Variants in CDK14 observed in about 807,000 individuals in gnomAD.
CDK14 encodes cyclin-dependent kinase 14.
Under a neutral mutation model 60.7 loss-of-function variants are expected in CDK14, and 34 were observed. The observed-to-expected ratio is 0.56, with a 90% CI of 0.43 to 0.75. The LOEUF is 0.75. Among genes scored for constraint, CDK14 ranks in the 30% least tolerant of loss-of-function variants. The probability of loss-of-function intolerance (pLI) is 0.00; values close to 1 mark genes in which losing one functional copy is unlikely to be tolerated. For synonymous variants in CDK14, 197 were observed against 203.7 expected (o/e 0.97, Z 0.28); for missense variants, 482 against 564.1 (o/e 0.85, Z 1.47).
chr7:91,100,143 A>G (rs1799110280), intron 12 of CDK14, among the ~76,000 whole-genome samples: 1 of 152,174 alleles, frequency 6.6e-6, no homozygotes, highest in Admixed American at 6.6e-5. Context: ...AATGACTGAC[A>G]GGTTTGTACT....
At chr7:90,997,545 A>T (rs764801447) in intron 10 of CDK14, among the ~76,000 whole-genome samples, 14 of 152,308 alleles carry the variant, frequency 9.2e-5, no homozygotes, top group Non-Finnish European at 1.6e-4. Flanking sequence ...ATGGCAGATA[A>T]CATTTAACAT....
At chr7:91,132,917 CAT>C (rs551664500) in intron 14 of CDK14, among the ~76,000 whole-genome samples, 248 of 152,224 alleles carry the variant, frequency 1.6e-3, no homozygotes, top group African/African-American at 5.7e-3. Flanking sequence ...CATATTACAA[CAT>C]GTTTCTTAAA....
At chr7:90,649,553 T>A (rs1780475218) in intron 2 of CDK14, among the ~76,000 whole-genome samples, 1 of 151,050 alleles carries the variant, frequency 6.6e-6, no homozygotes, top group South Asian at 2.1e-4. Context: ...GTTGGTTTGC[T>A]GCATCCATTA....
chr7:90,885,275 G>A (rs1183174975), intron 6 of CDK14, among the ~76,000 whole-genome samples: 1 of 151,974 alleles, frequency 6.6e-6, no homozygotes, highest in East Asian at 1.9e-4. Context: ...GTGGGCAAAG[G>A]ATATGAACAC....
At chr7:90,802,450 G>C (rs1336215821) in intron 5 of CDK14, among the ~76,000 whole-genome samples, 2 of 152,164 alleles carry the variant, frequency 1.3e-5, no homozygotes, top group Non-Finnish European at 2.9e-5. Flanking sequence ...AGATTACCTT[G>C]TCCAGGGGTT....
intron 2 of CDK14, among the ~76,000 whole-genome samples, chr7:90,701,359 G>A (rs1020755733): frequency 2.0e-5 from 3 of 152,152 alleles, no homozygotes; most frequent in African/African-American, 7.2e-5. Flanking sequence ...CTTCCTGCAA[G>A]TTCAGATAAC....
At chr7:90,747,250 A>G (rs1039470726) in intron 3 of CDK14, among the ~76,000 whole-genome samples, 3 of 152,214 alleles carry the variant, frequency 2.0e-5, no homozygotes, top group African/African-American at 7.2e-5. Context: ...GGTGGGCTGG[A>G]TTTGACCCAT....
rs753093292 is a variant in CDK14, at chr7:90,877,818, T to TA, written c.639+14556dup. On this transcript the variant is annotated intron_variant, in intron 6 of 14. Transcript: ENST00000380050. ...AGAAAAAGAAAGGACCAGGGATCTTTAAAAAAATCAGATTTTGGCTAACTA... is the reference window on the plus strand; with the variant it reads ...AGAAAAAGAAAGGACCAGGGATCTTTAAAAAAAATCAGATTTTGGCTAACTA... Among the ~76,000 whole-genome samples the TA allele has an allele frequency of 5.9e-5, 9 of 152,176 alleles. No homozygotes were observed. In the South Asian group the frequency reaches 1.2e-3, roughly 21 times the overall value.
At chr7:90,857,024 T>A (rs1173063268) in intron 5 of CDK14, among the ~76,000 whole-genome samples, 1 of 152,122 alleles carries the variant, frequency 6.6e-6, no homozygotes, top group East Asian at 1.9e-4. Context: ...GTCTTTGTAA[T>A]CTCTTTTTTC....
chr7:90,989,960 T>C (rs1795483441), intron 10 of CDK14, among the ~76,000 whole-genome samples: 1 of 151,980 alleles, frequency 6.6e-6, no homozygotes, highest in Non-Finnish European at 1.5e-5. Flanking sequence ...GAAGTGAAAA[T>C]AAGAGGGAAA....
At chr7:91,143,854 T>C (rs1800541718) in intron 14 of CDK14, among the ~76,000 whole-genome samples, 1 of 152,178 alleles carries the variant, frequency 6.6e-6, no homozygotes, top group Non-Finnish European at 1.5e-5. Context: ...CTTATCCCCG[T>C]TTTGCAGAGG....
intron 5 of CDK14, among the ~76,000 whole-genome samples, chr7:90,794,999 T>G (rs1473427280): frequency 6.6e-6 from 1 of 152,238 alleles, no homozygotes; most frequent in Non-Finnish European, 1.5e-5. Flanking sequence ...GGTCCCTGGC[T>G]TCCTGCAACA....
chr7:90,962,251 C>T (rs1200724405), intron 9 of CDK14, among the ~76,000 whole-genome samples: 1 of 152,002 alleles, frequency 6.6e-6, no homozygotes, highest in African/African-American at 2.4e-5. Flanking sequence ...CTTTGGGAGG[C>T]CAAGGCGGGT....
At chr7:90,983,848 ACACTAGAGACTAC>A (rs939132221) in intron 9 of CDK14, among the ~76,000 whole-genome samples, 3 of 152,144 alleles carry the variant, frequency 2.0e-5, no homozygotes, top group African/African-American at 7.2e-5. Context: ...GCAACAATAG[ACACTAGAGACTAC>A]TAGAAGGAGG....
At chr7:91,147,162 T>TCTCTCA (rs1438870514) in intron 14 of CDK14, among the ~76,000 whole-genome samples, 11 of 124,694 alleles carry the variant, frequency 8.8e-5, no homozygotes, top group African/African-American at 2.7e-4. Context: ...TCTCTCTCTC[T>TCTCTCA]CACACACACA....
chr7:90,894,105 C>T (rs147195844), intron 6 of CDK14, among the ~76,000 whole-genome samples: 201 of 152,216 alleles, frequency 1.3e-3, no homozygotes, highest in South Asian at 3.5e-3. Context: ...AGAAAATCAC[C>T]GTCATCATCA....
At chr7:90,966,105 A>G (rs1402138123) in intron 9 of CDK14, among the ~76,000 whole-genome samples, 3 of 152,246 alleles carry the variant, frequency 2.0e-5, no homozygotes, top group South Asian at 2.1e-4. Flanking sequence ...GATTTCTTCC[A>G]TCCTCTCTGT....
chr7:90,648,180 C>T (rs1290185419), intron 2 of CDK14, among the ~76,000 whole-genome samples: 1 of 151,918 alleles, frequency 6.6e-6, no homozygotes, highest in African/African-American at 2.4e-5. Context: ...GTCAAGATGG[C>T]GGTTGGAGCT....
chr7:90,634,434 C>A (rs1338752638), intron 2 of CDK14, among the ~76,000 whole-genome samples: 2 of 151,730 alleles, frequency 1.3e-5, no homozygotes, highest in African/African-American at 4.8e-5. Context: ...TTTCCAATTT[C>A]ATCCATGTCC....
Sources: allele counts gnomAD v4.1 joint callset (sites outside exome capture counted in the v4.1 genomes callset), GRCh38; gene constraint gnomAD v4.1.1; transcripts MANE v1.5; gene names NCBI Gene and HGNC (gene_info 2026-07-23, HGNC 2026-07-21).